Variants in EXT1 observed in about 807,000 individuals in gnomAD.
EXT1 encodes the protein exostosin-1.
Under a neutral mutation model 82.5 loss-of-function variants are expected in EXT1, and 20 were observed. The observed-to-expected ratio is 0.24, with a 90% confidence interval of 0.17 to 0.35. The LOEUF (loss-of-function observed/expected upper bound fraction) is 0.35. Among genes scored for constraint, EXT1 ranks in the 10% least tolerant of loss-of-function variants. EXT1 has a pLI of 1.00. For missense variants in EXT1, 757 were observed against 936.5 expected (o/e 0.81, Z 2.50); for synonymous variants, 348 against 350.8 (o/e 0.99, Z 0.09).
chr8:117,894,194 T>C (rs1258275151), intron 1 of EXT1, among the ~76,000 whole-genome samples: 1 of 152,144 alleles, frequency 6.6e-6, no homozygotes, highest in African/African-American at 2.4e-5. Context: ...TTTTCTTTTC[T>C]CTTTTCTTTT....
chr8:118,055,599 G>A (rs369524725), intron 1 of EXT1, among the ~76,000 whole-genome samples: 1 of 152,156 alleles, frequency 6.6e-6, no homozygotes, highest in African/African-American at 2.4e-5. Context: ...ATGCATACCA[G>A]GGCATGGTTT....
chr8:117,924,408 T>C (rs1157208116), intron 1 of EXT1, among the ~76,000 whole-genome samples: 1 of 152,210 alleles, frequency 6.6e-6, no homozygotes. Context: ...GCTAAATGAA[T>C]GGGAATCCCT....
intron 1 of EXT1, among the ~76,000 whole-genome samples, chr8:117,858,766 AAGGCAGGC>A (rs71303472): frequency 3.7e-5 from 2 of 54,666 alleles, no homozygotes; most frequent in Non-Finnish European, 6.4e-5. Context: ...GGAAGGAAGG[AAGGCAGGC>A]AGGCAGGCAG....
At chr8:118,089,650 A>G (rs1208447011) in intron 1 of EXT1, among the ~76,000 whole-genome samples, 1 of 152,218 alleles carries the variant, frequency 6.6e-6, no homozygotes, top group Non-Finnish European at 1.5e-5. Context: ...TTTAAAAAAT[A>G]TGTCCTTTTT....
intron 1 of EXT1, among the ~76,000 whole-genome samples, chr8:117,911,281 A>T (rs1399728641): frequency 6.6e-6 from 1 of 152,222 alleles, no homozygotes; most frequent in Non-Finnish European, 1.5e-5. Context: ...TTGGCACAAG[A>T]AAAGGCCTCC....
At chr8:117,896,354 T>C (rs998187597) in intron 1 of EXT1, among the ~76,000 whole-genome samples, 1 of 152,188 alleles carries the variant, frequency 6.6e-6, no homozygotes, top group African/African-American at 2.4e-5. Context: ...CAAATCATCA[T>C]ATACATACAA....
chr8:118,033,950 G>C (rs11562732), intron 1 of EXT1, among the ~76,000 whole-genome samples: 3,641 of 152,256 alleles, frequency 0.024, 133 homozygotes, highest in African/African-American at 0.079. Context: ...TGTTAGAAAA[G>C]AGATGGCGAG....
intron 1 of EXT1, among the ~76,000 whole-genome samples, chr8:117,938,819 CATAA>C (rs1179107380): frequency 6.6e-6 from 1 of 152,164 alleles, no homozygotes; most frequent in Non-Finnish European, 1.5e-5. Context: ...GCATTTTTAT[CATAA>C]ATAAGTGTTA....
At chr8:117,884,960 A>T (rs1813121814) in intron 1 of EXT1, among the ~76,000 whole-genome samples, 1 of 152,226 alleles carries the variant, frequency 6.6e-6, no homozygotes, top group Admixed American at 6.5e-5. Context: ...GAAATACAAC[A>T]TAAAAGTGGT....
In EXT1 at chr8:117,984,347, G is replaced by C. The variant is rs922091008; in HGVS notation, c.962+125738C>G. The stretch of plus-strand genomic sequence containing the variant: ...GGCAGGAGAATCGCTTGAACCTGGG[G>C]TGCAGGGTGAGGTGGAGGCTGAAGT... On this transcript the variant is annotated intron_variant, in intron 1 of 10. Coordinates refer to ENST00000378204, the MANE Select transcript of EXT1 (RefSeq NM_000127.3). 7.2e-5 allele frequency among the ~76,000 whole-genome samples: 11 copies of C among 151,854 alleles called. No homozygotes were observed. In the East Asian group the frequency reaches 1.5e-3, roughly 21 times the overall value.
chr8:117,879,563 G>A (rs1422036972), intron 1 of EXT1, among the ~76,000 whole-genome samples: 2 of 152,138 alleles, frequency 1.3e-5, no homozygotes, highest in Non-Finnish European at 2.9e-5. Flanking sequence ...GACAGGTTAT[G>A]GTGACACTAA....
At chr8:118,063,027 A>C (rs17505831) in intron 1 of EXT1, among the ~76,000 whole-genome samples, 1 of 152,216 alleles carries the variant, frequency 6.6e-6, no homozygotes, top group Non-Finnish European at 1.5e-5. Flanking sequence ...TCTCATTTCT[A>C]CCTGAAAGAA....
At chr8:117,863,304 G>GT (rs1212658475) in intron 1 of EXT1, among the ~76,000 whole-genome samples, 2 of 111,980 alleles carry the variant, frequency 1.8e-5, no homozygotes, top group African/African-American at 5.2e-5. Flanking sequence ...GACTGGAACG[G>GT]TAGTGGTCTG....
chr8:117,887,833 C>A (rs1252654448), intron 1 of EXT1, among the ~76,000 whole-genome samples: 1 of 151,748 alleles, frequency 6.6e-6, no homozygotes, highest in Non-Finnish European at 1.5e-5. Flanking sequence ...CGCCTGTAAT[C>A]CCAGCACTTT....
chr8:117,831,722 A>G, intron 3 of EXT1: 2 of 469,396 alleles, frequency 4.3e-6, no homozygotes, highest in Non-Finnish European at 8.8e-6. Context: ...TTTGACTAAG[A>G]CTGTAACAGA....
At chr8:117,936,780 C>A (rs1814172550) in intron 1 of EXT1, among the ~76,000 whole-genome samples, 1 of 152,142 alleles carries the variant, frequency 6.6e-6, no homozygotes, top group Non-Finnish European at 1.5e-5. Context: ...GAGGCTGAGG[C>A]AGGAGAATCA....
intron 1 of EXT1, among the ~76,000 whole-genome samples, chr8:118,067,356 G>T (rs1460865686): frequency 6.6e-6 from 1 of 152,232 alleles, no homozygotes; most frequent in Non-Finnish European, 1.5e-5. Flanking sequence ...GCATAGCTTG[G>T]ACTAGCTGAA....
intron 1 of EXT1, among the ~76,000 whole-genome samples, chr8:117,919,603 C>CA (rs1312157454): frequency 3.3e-5 from 5 of 151,360 alleles, no homozygotes; most frequent in Non-Finnish European, 1.5e-5. Flanking sequence ...CTCCTGGGCT[C>CA]AAGCAATCAT....
intron 1 of EXT1, among the ~76,000 whole-genome samples, chr8:117,930,637 T>A (rs1226505126): frequency 6.6e-6 from 1 of 152,214 alleles, no homozygotes; most frequent in Non-Finnish European, 1.5e-5. Context: ...CATGACAAGT[T>A]GACAAAGTCC....
Sources: gnomAD v4.1 joint callset for allele counts (sites outside exome capture counted in the v4.1 genomes callset) on GRCh38, gnomAD v4.1.1 for gene constraint, MANE v1.5 for transcripts, NCBI Gene and HGNC (gene_info 2026-07-23, HGNC 2026-07-21) for gene names.